Variants in PTPRJ observed in about 807,000 individuals in gnomAD.
PTPRJ encodes the protein protein tyrosine phosphatase receptor type J, also known as receptor-type tyrosine-protein phosphatase eta.
A neutral mutation model predicts 141.3 loss-of-function variants in PTPRJ; 129 were observed. That is an observed-to-expected ratio of 0.91 (90% CI 0.79 to 1.06). PTPRJ has a LOEUF of 1.06. PTPRJ is among the 50% of genes least tolerant of loss of function. The probability of loss-of-function intolerance (pLI) is 0.00; values close to 1 mark genes in which losing one functional copy is unlikely to be tolerated. For synonymous variants in PTPRJ, 610 were observed against 640.5 expected (o/e 0.95, Z 0.72); for missense variants, 1,601 against 1,679.7 (o/e 0.95, Z 0.82).
rs1856477107 is a variant in PTPRJ, at chr11:48,112,910, C to CGATAGTTTAA, written c.282_291dup (p.Thr98Ter). On this transcript the variant is annotated frameshift_variant, in exon 3 of 25. Coordinates refer to ENST00000418331, the MANE Select transcript of PTPRJ (RefSeq NM_002843.4). LOFTEE classifies it high-confidence loss of function. ...AGGATGGTGAAAGCTCTGGAGCCAACGATAGTTTAAGAACACCTGAACAAG... is the reference window on the plus strand; with the variant it reads ...AGGATGGTGAAAGCTCTGGAGCCAACGATAGTTTAAGATAGTTTAAGAACACCTGAACAAG... 1 of 1,613,968 alleles carries CGATAGTTTAA rather than the reference C, an allele frequency of 6.2e-7. No homozygotes were observed. The highest frequency in any genetic ancestry group is 1.3e-5 in the African/African-American group (1 of 74,876).
chr11:48,046,453 T>A (rs1342367512), intron 1 of PTPRJ: 1 of 152,192 alleles, frequency 6.6e-6, no homozygotes, highest in Non-Finnish European at 1.5e-5. Context: ...AGGGTTGCTG[T>A]CATCCATTTA....
intron 7 of PTPRJ, among the ~76,000 whole-genome samples, chr11:48,130,003 A>G (rs112098039): frequency 3.3e-4 from 36 of 109,334 alleles, no homozygotes; most frequent in African/African-American, 8.7e-4. Flanking sequence ...TCCAACAGGT[A>G]TGCACACACA....
rs1463150198 is a variant in PTPRJ, at chr11:48,164,382, C to T, written c.3722C>T (p.Ala1241Val). ...GGCTTATTTCTCTTTTCTCTCAGTG[C>T]TGGGGTCGGAAGGACGGGCACTTTC... ...PESPILVHCS[A>V]GVGRTGTFIA... The change falls in exon 24 of 25, where the codon GCT becomes GTT. Residue 1241 changes from alanine to valine, a missense_variant and splice_region_variant. Coordinates refer to ENST00000418331, the MANE Select transcript of PTPRJ (RefSeq NM_002843.4). 6.2e-7 allele frequency: 1 copy of T among 1,613,748 alleles called. No homozygotes were observed. The highest frequency in any genetic ancestry group is 8.5e-7 in the Non-Finnish European group (1 of 1,179,862).
intron 1 of PTPRJ, among the ~76,000 whole-genome samples, chr11:48,009,059 G>C (rs1854704083): frequency 6.6e-6 from 1 of 152,154 alleles, no homozygotes; most frequent in Non-Finnish European, 1.5e-5. Flanking sequence ...GTGGTATCAG[G>C]GTTGCAGGGT....
chr11:48,005,045 A>G (rs1200080020), intron 1 of PTPRJ, among the ~76,000 whole-genome samples: 1 of 151,932 alleles, frequency 6.6e-6, no homozygotes, highest in African/African-American at 2.4e-5. Context: ...AACATGATGA[A>G]ACCCCGTCTC....
chr11:48,112,938 T>A lies in PTPRJ; in HGVS notation c.307T>A (p.Ser103Thr), dbSNP rs1307233209. 2 of 1,614,072 alleles carry A rather than the reference T, an allele frequency of 1.2e-6. No individual in the cohort carries two copies. The highest frequency in any genetic ancestry group is 1.7e-6 in the Non-Finnish European group (2 of 1,180,036). The change falls in exon 3 of 25, where the codon TCT (serine) becomes ACT (threonine). Residue 103 changes from serine to threonine, a missense_variant. Transcript: ENST00000418331. ...TAGTTTAAGAACACCTGAACAAGGA[T>A]CTAATGGGACTGATGGGGCATCTCA... ...NDSLRTPEQG[S>T]NGTDGASQKT...
intron 1 of PTPRJ, among the ~76,000 whole-genome samples, chr11:48,010,454 C>T (rs1229771219): frequency 6.6e-6 from 1 of 151,448 alleles, no homozygotes; most frequent in Non-Finnish European, 1.5e-5. Flanking sequence ...GCTGGGATTA[C>T]AGGGTGAACC....
chr11:48,167,207 C>G lies in PTPRJ; in HGVS notation c.3859C>G (p.Gln1287Glu). Residue 1287 changes from glutamine (Q) to glutamate (E), a missense_variant, in exon 25 of 25, where the codon CAG becomes GAG. Gln to Glu is a conservative substitution (Grantham distance 29). Coordinates refer to ENST00000418331, the MANE Select transcript of PTPRJ (RefSeq NM_002843.4). Reference sequence around the variant, plus strand: ...CTCTCTTTCGTTTTTCTATCAGGACCAGTATGTTTTCCTCAATCAGTGTGT... The same window carrying G: ...CTCTCTTTCGTTTTTCTATCAGGACGAGTATGTTTTCCTCAATCAGTGTGT... ...HRPLMVQTEDQYVFLNQCVLD... is the reference protein window; with the variant it reads ...HRPLMVQTEDEYVFLNQCVLD... 1 of 1,610,114 alleles carries G rather than the reference C, an allele frequency of 6.2e-7. No individual in the cohort carries two copies. The highest frequency in any genetic ancestry group is 8.5e-7 in the Non-Finnish European group (1 of 1,177,290).
intron 1 of PTPRJ, among the ~76,000 whole-genome samples, chr11:48,081,452 T>C (rs1296301492): frequency 2.6e-5 from 4 of 152,160 alleles, no homozygotes; most frequent in African/African-American, 9.7e-5. Context: ...CATGTGGGGC[T>C]TGGGCTTGGC....
At chr11:48,033,681 T>A (rs1854049077) in intron 1 of PTPRJ, among the ~76,000 whole-genome samples, 1 of 152,174 alleles carries the variant, frequency 6.6e-6, no homozygotes, top group Admixed American at 6.5e-5. Context: ...AGACAGTCGA[T>A]CATTGATCGG....
intron 3 of PTPRJ, among the ~76,000 whole-genome samples, chr11:48,119,872 TC>T (rs1316419979): frequency 1.3e-5 from 2 of 152,238 alleles, no homozygotes; most frequent in Admixed American, 6.5e-5. Context: ...GTTTTACTCT[TC>T]GGTTTCTGGT....
chr11:47,984,124 G>A (rs1199595972), intron 1 of PTPRJ, among the ~76,000 whole-genome samples: 3 of 152,216 alleles, frequency 2.0e-5, no homozygotes, highest in South Asian at 2.1e-4. Flanking sequence ...TGGTTAGACC[G>A]TGACTTTGAG....
intron 3 of PTPRJ, among the ~76,000 whole-genome samples, chr11:48,114,312 CCTGTAA>C (rs1240598750): frequency 2.0e-5 from 3 of 151,198 alleles, no homozygotes; most frequent in Non-Finnish European, 1.5e-5. Context: ...GTCATGCATG[CCTGTAA>C]TCCCAGCTAC....
In PTPRJ at chr11:48,112,881, A is replaced by G. The variant is rs1226866473; in HGVS notation, c.250A>G (p.Ser84Gly). The change falls in exon 3 of 25, where the codon AGT becomes GGT. Residue 84 changes from serine (S) to glycine (G), a missense_variant. Coordinates refer to ENST00000418331, the MANE Select transcript of PTPRJ (RefSeq NM_002843.4). The stretch of plus-strand genomic sequence containing the variant: ...AACACCTCAGGTGGAAACAAACACC[A>G]GTGAGGATGGTGAAAGCTCTGGAGC... ...TGTPQVETNT[S>G]EDGESSGAND... 6.2e-7 allele frequency: 1 copy of G among 1,614,192 alleles called. No individual in the cohort carries two copies. Among genetic ancestry groups the G allele is most frequent in the East Asian group, 2.2e-5 (1 of 44,874 alleles).
rs1287366946 is a variant in PTPRJ, at chr11:47,980,999, C to T, written c.87C>T (p.Arg29=). 2.1e-5 allele frequency: 26 copies of T among 1,211,460 alleles called. No individual in the cohort carries two copies. Among genetic ancestry groups the T allele is most frequent in the Non-Finnish European group, 2.7e-5 (26 of 975,390 alleles). The allele number at this position is 1,211,460 out of a possible 1,614,324, so 75.0% of individuals were successfully genotyped here. The change falls in exon 1 of 25, where the codon CGC becomes CGT. Residue 29 remains arginine, a synonymous_variant. Transcript: ENST00000418331. ...TGCCGCTGCTGCTGCTGCTGCTGCG[C>T]CTGGGCCAGGTAAGCGCCGGGTGGG... is the stretch of plus-strand genomic sequence containing the variant. ...WALPLLLLLL[R]LGQILCAGGT... is the part of the protein sequence containing the mutation.
At chr11:48,120,639 A>G (rs538673091) in intron 3 of PTPRJ, among the ~76,000 whole-genome samples, 1 of 151,914 alleles carries the variant, frequency 6.6e-6, no homozygotes, top group Non-Finnish European at 1.5e-5. Context: ...GGGTTTCACC[A>G]TGTTGGCCAG....
At chr11:47,982,723 T>TA (rs1196470276) in intron 1 of PTPRJ, among the ~76,000 whole-genome samples, 13 of 151,828 alleles carry the variant, frequency 8.6e-5, no homozygotes, top group Admixed American at 3.9e-4. Flanking sequence ...GCTCCAGCCA[T>TA]AGTGGTTGCT....
rs879707173 is a variant in PTPRJ, at chr11:47,980,689, C to T, written c.-224C>T. 3.1e-5 allele frequency: 31 copies of T among 990,532 alleles called. No homozygotes were observed. Among genetic ancestry groups the T allele is most frequent in the Non-Finnish European group, 3.6e-5 (30 of 834,790 alleles). 61.4% of individuals were successfully genotyped at this position (990,532 alleles called of 1,614,324 possible). On this transcript the variant is annotated 5_prime_UTR_variant, in exon 1 of 25. Transcript: ENST00000418331. ...GCCCCTGCGCGCTCAGGGACGCGGC[C>T]CCCCCGCGGCAGCCGCGCTAGGCTC... is the stretch of plus-strand genomic sequence containing the variant.
chr11:48,136,527 G>A (rs912926682), intron 9 of PTPRJ, among the ~76,000 whole-genome samples: 1 of 152,214 alleles, frequency 6.6e-6, no homozygotes. Context: ...CTTGGGAATG[G>A]TGACTGAAAT....
Sources: gnomAD v4.1 joint callset for allele counts (sites outside exome capture counted in the v4.1 genomes callset) on GRCh38, gnomAD v4.1.1 for gene constraint, MANE v1.5 for transcripts, NCBI Gene and HGNC (gene_info 2026-07-23, HGNC 2026-07-21) for gene names.